The following AKR1B1 variants were observed in gnomAD, a reference collection of about 807,000 sequenced individuals.
AKR1B1 encodes the protein aldo-keto reductase family 1 member B1.
In AKR1B1, 22 loss-of-function variants were observed where a neutral mutation model predicts 40.4. The ratio of observed to expected loss-of-function variants is 0.54; its 90% CI spans 0.39 to 0.78. AKR1B1 has a LOEUF of 0.78. Ranked by LOEUF, AKR1B1 falls within the 30% of genes least tolerant of loss-of-function variation. The probability of loss-of-function intolerance (pLI) is 0.00; values close to 1 mark genes in which losing one functional copy is unlikely to be tolerated. For missense variants in AKR1B1, 357 were observed against 396.7 expected (o/e 0.90, Z 0.85); for synonymous variants, 157 against 149.9 (o/e 1.05, Z -0.35).
intron 2 of AKR1B1, 143 bp downstream of exon 2, chr7:134,451,443 T>C (rs1806283521): frequency 9.8e-7 from 1 of 1,025,602 alleles, no homozygotes; most frequent in African/African-American, 1.6e-5. Context: ...GAGCCCTGTA[T>C]GGCCGTGGGT....
intron 8 of AKR1B1, among the ~76,000 whole-genome samples, chr7:134,446,661 G>GT (rs1219588355): frequency 6.6e-6 from 1 of 151,968 alleles, no homozygotes; most frequent in Non-Finnish European, 1.5e-5. Context: ...AGCCTGAGCT[G>GT]CTCCAGCTGC....
chr7:134,448,640 T>G (rs1475143538), intron 5 of AKR1B1, 147 bp from the exon 6 acceptor site: 1 of 721,640 alleles, frequency 1.4e-6, no homozygotes, highest in African/African-American at 1.7e-5. Flanking sequence ...AAGCTGTAAC[T>G]TCCTACAGTT....
chr7:134,453,370 C>T (rs187336092), intron 1 of AKR1B1, among the ~76,000 whole-genome samples: 2 of 152,254 alleles, frequency 1.3e-5, no homozygotes, highest in East Asian at 3.9e-4. Context: ...AGTCCAGCCC[C>T]GGTTCTGCTG....
At chr7:134,442,792 C>T (rs1805978496) in intron 9 of AKR1B1, 22 bp from the exon 10 acceptor site, 2 of 1,613,324 alleles carry the variant, frequency 1.2e-6, no homozygotes, top group Non-Finnish European at 1.7e-6. Context: ...AAGGAGAAAA[C>T]AGTTGCTTTT....
Position 134,459,089 on chromosome 7 carries a change from C to T in AKR1B1, c.-27G>A, listed in dbSNP as rs1257425991. On this transcript the variant is annotated 5_prime_UTR_variant, in exon 1 of 10. Transcript: ENST00000285930. ...GCTGCTGCGCTCCCCAGACCCCCGC[C>T]CAGTACGGTGCGGCCTTGGCCGCGG... 5.0e-6 allele frequency: 8 copies of T among 1,592,786 alleles called. No individual in the cohort carries two copies. The Admixed American group carries it at 7.0e-5, about 14-fold the overall frequency.
intron 5 of AKR1B1, among the ~76,000 whole-genome samples, 195 bp downstream of exon 5, chr7:134,448,801 AG>A (rs1424949973): frequency 6.6e-6 from 1 of 152,100 alleles, no homozygotes; most frequent in Non-Finnish European, 1.5e-5. Flanking sequence ...GTCACAAGCC[AG>A]GCTCAAACTC....
intron 4 of AKR1B1, 53 bp downstream of exon 4, chr7:134,449,667 A>G (rs1806226553): frequency 1.5e-6 from 2 of 1,369,046 alleles, no homozygotes; most frequent in Admixed American, 3.4e-5. Flanking sequence ...ATTGCTTCTA[A>G]GAAGAAGAGG....
rs756366489 is a variant in AKR1B1 at position 134,459,071 on chromosome 7, C to T, written c.-9G>A. The T allele has an allele frequency of 1.3e-6, 2 of 1,599,990 alleles. No individual in the cohort carries two copies. The highest frequency in any genetic ancestry group is 1.1e-5 in the South Asian group (1 of 88,194). On this transcript the variant is annotated 5_prime_UTR_variant, in exon 1 of 10. Coordinates refer to ENST00000285930, the MANE Select transcript of AKR1B1 (RefSeq NM_001628.4). ...AGGAGACGGCTTGCCATGGCTGCTGCGCTCCCCAGACCCCCGCCCAGTACG... is the reference window on the plus strand; with the variant it reads ...AGGAGACGGCTTGCCATGGCTGCTGTGCTCCCCAGACCCCCGCCCAGTACG...
intron 1 of AKR1B1, among the ~76,000 whole-genome samples, chr7:134,458,735 G>A (rs1253896076): frequency 6.6e-6 from 1 of 152,152 alleles, no homozygotes; most frequent in Non-Finnish European, 1.5e-5. Flanking sequence ...CCCGCGGTAG[G>A]GCGGGGGCTC....
At chr7:134,444,719 A>C (rs1449639301) in intron 9 of AKR1B1, 1 of 183,470 alleles carries the variant, frequency 5.5e-6, no homozygotes, top group Non-Finnish European at 1.2e-5. Context: ...CATGCAGAGG[A>C]AACAGAACCA....
At chr7:134,454,943 G>A (rs981016808) in intron 1 of AKR1B1, among the ~76,000 whole-genome samples, 15 of 152,182 alleles carry the variant, frequency 9.9e-5, no homozygotes, top group Non-Finnish European at 5.9e-5. Context: ...CCCTGTAGGG[G>A]CAGGGCTTAT....
chr7:134,446,341 C>T (rs763169620), intron 8 of AKR1B1, among the ~76,000 whole-genome samples: 13 of 152,202 alleles, frequency 8.5e-5, no homozygotes, highest in Non-Finnish European at 1.8e-4. Flanking sequence ...TCACTCTCAT[C>T]CCTGTCTCAT....
At chr7:134,449,670 A>G (rs1428330600) in intron 4 of AKR1B1, 50 bp downstream of exon 4, 2 of 1,395,092 alleles carry the variant, frequency 1.4e-6, no homozygotes, top group Non-Finnish European at 2.0e-6. Flanking sequence ...GCTTCTAAGA[A>G]GAAGAGGGAA....
chr7:134,456,792 T>C (rs1014613049), intron 1 of AKR1B1, among the ~76,000 whole-genome samples: 6 of 152,204 alleles, frequency 3.9e-5, no homozygotes, highest in African/African-American at 1.4e-4. Flanking sequence ...ATTATCCAAT[T>C]TCTCAATGAA....
At chr7:134,457,923 C>A (rs950213731) in intron 1 of AKR1B1, among the ~76,000 whole-genome samples, 7 of 152,100 alleles carry the variant, frequency 4.6e-5, no homozygotes, top group African/African-American at 1.7e-4. Context: ...TCACTTGAGC[C>A]CAGGAGTTCC....
intron 7 of AKR1B1, chr7:134,447,637 C>T: frequency 1.6e-6 from 1 of 621,394 alleles, no homozygotes; most frequent in Non-Finnish European, 2.9e-6. Flanking sequence ...CACATGAGGC[C>T]CTCCACTGGC....
intron 9 of AKR1B1, among the ~76,000 whole-genome samples, chr7:134,444,258 CTGTT>C (rs1460305898): frequency 4.6e-5 from 7 of 152,256 alleles, no homozygotes; most frequent in Non-Finnish European, 1.0e-4. Flanking sequence ...GTGACATGCT[CTGTT>C]TGCGGCCTAT....
intron 3 of AKR1B1, 148 bp from the exon 4 acceptor site, chr7:134,449,945 G>A (rs966773225): frequency 4.1e-6 from 3 of 732,434 alleles, no homozygotes; most frequent in Non-Finnish European, 7.3e-6. Flanking sequence ...GAAATAGGCA[G>A]ATAGCCAACA....
intron 1 of AKR1B1, 75 bp downstream of exon 1, chr7:134,458,922 C>CG: frequency 1.3e-6 from 2 of 1,500,410 alleles, no homozygotes; most frequent in Non-Finnish European, 1.8e-6. Flanking sequence ...CAGGGTCACT[C>CG]GGGGTCCCTC....
Sources: gnomAD v4.1 joint callset for allele counts (sites outside exome capture counted in the v4.1 genomes callset) on GRCh38, gnomAD v4.1.1 for gene constraint, MANE v1.5 for transcripts, NCBI Gene and HGNC (gene_info 2026-07-23, HGNC 2026-07-21) for gene names.